Variants in TET2 observed in about 807,000 individuals in gnomAD.
The protein encoded by TET2 is tet methylcytosine dioxygenase 2.
In TET2, 299 loss-of-function variants were observed where a neutral mutation model predicts 142.9. That is an observed-to-expected ratio of 2.09 (90% CI 1.90 to 2.30). TET2 has a LOEUF of 2.30. TET2 is among the 30% of genes most tolerant of loss of function. TET2 has a pLI of 0.00. For missense variants in TET2, 2,418 were observed against 2,378.0 expected (o/e 1.02, Z -0.35); for synonymous variants, 819 against 849.0 (o/e 0.96, Z 0.61).
chr4:105,196,564 G>T (rs1349264562), intron 2 of TET2, among the ~76,000 whole-genome samples: 1 of 151,976 alleles, frequency 6.6e-6, no homozygotes, highest in East Asian at 1.9e-4. Context: ...TTACTATATT[G>T]TCCCTTCAGA....
intron 1 of TET2, among the ~76,000 whole-genome samples, chr4:105,178,467 G>GA (rs759066231): frequency 3.9e-5 from 6 of 152,192 alleles, no homozygotes; most frequent in Non-Finnish European, 8.8e-5. Context: ...GCAGTGAAAT[G>GA]AATCTATGTA....
rs975535836 is a variant in TET2, at chr4:105,277,912, T to C, written c.*1393T>C. On this transcript the variant is annotated 3_prime_UTR_variant, in exon 11 of 11. Transcript: ENST00000380013. ...GATAATTATGTACATTGTGACGTTG[T>C]CATTTCTTAGCTTAAGTGTCCTCTT... is the stretch of plus-strand genomic sequence containing the variant. 6 of 217,590 alleles carry C rather than the reference T, an allele frequency of 2.8e-5. No homozygotes were observed. Among genetic ancestry groups the C allele is most frequent in the Non-Finnish European group, 4.6e-5 (5 of 108,402 alleles). 13.5% of individuals were successfully genotyped at this position (217,590 alleles called of 1,614,324 possible).
intron 1 of TET2, among the ~76,000 whole-genome samples, chr4:105,156,060 A>C (rs1275245492): frequency 6.6e-6 from 1 of 152,210 alleles, no homozygotes; most frequent in Admixed American, 6.5e-5. Flanking sequence ...AAACTTTGTG[A>C]ACCACCTCAG....
intron 2 of TET2, among the ~76,000 whole-genome samples, chr4:105,219,636 T>C (rs1727697381): frequency 6.6e-6 from 1 of 152,114 alleles, no homozygotes; most frequent in Non-Finnish European, 1.5e-5. Flanking sequence ...GATAGCTTTG[T>C]GGGGTTTTGT....
chr4:105,250,100 A>T (rs988432699), intron 6 of TET2, among the ~76,000 whole-genome samples: 1 of 152,180 alleles, frequency 6.6e-6, no homozygotes, highest in East Asian at 1.9e-4. Context: ...GTCCAACTTC[A>T]TTCCTTTGCA....
At position 105,243,565 on chromosome 4, in the gene TET2, C is replaced by T. The variant is rs1214874623; in HGVS notation, c.3595-5C>T. On this transcript the variant is annotated splice_region_variant and splice_polypyrimidine_tract_variant and intron_variant, in intron 5 of 10. Transcript: ENST00000380013. ...GTGTTTGGGATGGAATGGTGATCCA[C>T]GCAGGTGGTTCGCAGAAGCAGCAGT... is the stretch of plus-strand genomic sequence containing the variant. The T allele has an allele frequency of 1.1e-5, 17 of 1,551,292 alleles. No individual in the cohort carries two copies. Among genetic ancestry groups the T allele is most frequent in the Admixed American group, 2.0e-5 (1 of 50,952 alleles).
At position 105,272,564 on chromosome 4, in the gene TET2, G is replaced by T; in HGVS notation, c.4183G>T (p.Val1395Leu). Residue 1395 changes from valine to leucine, a missense_variant and splice_region_variant, in exon 10 of 11, where the codon GTA becomes TTA. Physicochemically the swap from Val to Leu is conservative, Grantham distance 32. Coordinates refer to ENST00000380013, the MANE Select transcript of TET2 (RefSeq NM_001127208.3). Reference sequence around the variant, plus strand: ...CTGTAATGTCTTACTTCCCTACCAGGTATGCACTCTCACTAGAGAAGACAA... The same window carrying T: ...CTGTAATGTCTTACTTCCCTACCAGTTATGCACTCTCACTAGAGAAGACAA... ...LHNMQNGSTL[V>L]CTLTREDNRE... 1 of 1,519,922 alleles carries T rather than the reference G, an allele frequency of 6.6e-7. No individual in the cohort carries two copies. Among genetic ancestry groups the T allele is most frequent in the Non-Finnish European group, 8.8e-7 (1 of 1,132,776 alleles). The allele number at this position is 1,519,922 out of a possible 1,614,324, so 94.2% of individuals were successfully genotyped here. A position where few individuals can be genotyped will look rare whatever the true frequency, so the allele number is the denominator to read the frequency against.
At chr4:105,214,344 T>A (rs914744555) in intron 2 of TET2, among the ~76,000 whole-genome samples, 3 of 144,252 alleles carry the variant, frequency 2.1e-5, no homozygotes, top group Non-Finnish European at 4.5e-5. Flanking sequence ...CTTCCCTGTG[T>A]CACCCAGGCT....
Position 105,209,049 on chromosome 4 carries a change from G to GTATGTATATA in TET2, c.-47+18547_-47+18548insGTATATATAT, listed in dbSNP as rs1726992809. Among the ~76,000 whole-genome samples, 7 of 44,354 alleles carry GTATGTATATA rather than the reference G, an allele frequency of 1.6e-4. 1 individual carries two copies. The highest frequency in any genetic ancestry group is 1.5e-3 in the South Asian group (1 of 656). 29.1% of individuals were successfully genotyped at this position (44,354 alleles called of 152,430 possible). A position where few individuals can be genotyped will look rare whatever the true frequency, so the allele number is the denominator to read the frequency against. ...AATGAAATAGATGCCTCAAGGCATG[G>GTATGTATATA]TATATATATATATATATATATATAT... is the stretch of plus-strand genomic sequence containing the variant. On this transcript the variant is annotated intron_variant, in intron 2 of 10. Transcript: ENST00000380013.
chr4:105,259,493 C>A, intron 6 of TET2, 126 bp from the exon 7 acceptor site: 1 of 839,140 alleles, frequency 1.2e-6, no homozygotes, highest in Non-Finnish European at 1.7e-6. Context: ...GGTTATGCCA[C>A]AGCTTAATAC....
rs879536394 is a variant in TET2 at position 105,240,987 on chromosome 4, GTTT to G, written c.3410-344_3410-342del. On this transcript the variant is annotated intron_variant, in intron 3 of 10. Coordinates refer to ENST00000380013, the MANE Select transcript of TET2 (RefSeq NM_001127208.3). Reference sequence around the variant, plus strand: ...GGTAGGCTTCCAGTTAGCTTTAAATGTTTTTTTTTTCCAGCTCAAAAAATTGGA... The same window carrying G: ...GGTAGGCTTCCAGTTAGCTTTAAATGTTTTTTTCCAGCTCAAAAAATTGGA... 4 of 1,029,372 alleles carry G rather than the reference GTTT, an allele frequency of 3.9e-6. No individual in the cohort carries two copies. In the South Asian group the frequency reaches 1.4e-4, roughly 37 times the overall value. 63.8% of individuals were successfully genotyped at this position (1,029,372 alleles called of 1,614,324 possible).
intron 1 of TET2, among the ~76,000 whole-genome samples, chr4:105,151,850 G>A (rs1224813590): frequency 6.6e-6 from 1 of 152,184 alleles, no homozygotes; most frequent in African/African-American, 2.4e-5. Context: ...CAAGGCAGGT[G>A]GATGACCTGA....
chr4:105,152,141 G>T (rs1451085118), intron 1 of TET2, among the ~76,000 whole-genome samples: 1 of 152,196 alleles, frequency 6.6e-6, no homozygotes, highest in African/African-American at 2.4e-5. Flanking sequence ...GCTGGGTGTG[G>T]TGGCACATGC....
At chr4:105,247,195 C>G (rs1316609401) in intron 6 of TET2, among the ~76,000 whole-genome samples, 9 of 152,150 alleles carry the variant, frequency 5.9e-5, no homozygotes, top group Non-Finnish European at 1.2e-4. Context: ...TTTCCCACAT[C>G]CACTCCCACT....
chr4:105,208,208 GTT>G (rs1329457223), intron 2 of TET2, among the ~76,000 whole-genome samples: 3 of 151,994 alleles, frequency 2.0e-5, no homozygotes, highest in African/African-American at 7.2e-5. Context: ...AAATTCTCAT[GTT>G]TTTAAGGCTC....
intron 1 of TET2, among the ~76,000 whole-genome samples, chr4:105,189,439 G>A (rs1336170687): frequency 2.0e-5 from 3 of 152,028 alleles, no homozygotes. Context: ...GTTTCAAATC[G>A]GTCTTTCCAA....
At chr4:105,212,996 A>G (rs1578630864) in intron 2 of TET2, among the ~76,000 whole-genome samples, 1 of 151,044 alleles carries the variant, frequency 6.6e-6, no homozygotes, top group African/African-American at 2.4e-5. Flanking sequence ...TCTCAGAGGA[A>G]AAAAAAAAAT....
chr4:105,244,584 A>ATCTTTTTTTTTTTTTT lies in TET2; in HGVS notation c.3803+807_3803+808insCTTTTTTTTTTTTTTT, dbSNP rs1237638072. ...TGAATGTTCACGGTGCTACACAGAA[A>ATCTTTTTTTTTTTTTT]TGTTTTTTTTTTTTTTTTTTTTTTT... On this transcript the variant is annotated intron_variant, in intron 6 of 10. Coordinates refer to ENST00000380013, the MANE Select transcript of TET2 (RefSeq NM_001127208.3). Among the ~76,000 whole-genome samples, 211 of 116,742 alleles carry ATCTTTTTTTTTTTTTT rather than the reference A, an allele frequency of 1.8e-3. 22 individuals carry two copies. The highest frequency in any genetic ancestry group is 5.2e-3 in the Middle Eastern group (1 of 194). 76.6% of individuals were successfully genotyped at this position (116,742 alleles called of 152,430 possible).
rs775697586 is a variant in TET2 at position 105,235,008 on chromosome 4, T to G, written c.1066T>G (p.Ser356Ala). 6.8e-6 allele frequency: 11 copies of G among 1,614,118 alleles called. No homozygotes were observed. The highest frequency in any genetic ancestry group is 8.5e-6 in the Non-Finnish European group (10 of 1,180,008). ...LASGEEFCSGSSSNLQAPGGS... is the reference protein window; with the variant it reads ...LASGEEFCSGASSNLQAPGGS... Reference sequence around the variant, plus strand: ...GTCTGGTGAAGAATTCTGTTCAGGTTCCAGCAGCAATTTGCAAGCTCCTGG... The same window carrying G: ...GTCTGGTGAAGAATTCTGTTCAGGTGCCAGCAGCAATTTGCAAGCTCCTGG... The change falls in exon 3 of 11, where the codon TCC becomes GCC. Residue 356 changes from serine to alanine, a missense_variant. Coordinates refer to ENST00000380013, the MANE Select transcript of TET2 (RefSeq NM_001127208.3).
Sources: allele counts gnomAD v4.1 joint callset (sites outside exome capture counted in the v4.1 genomes callset), GRCh38; gene constraint gnomAD v4.1.1; transcripts MANE v1.5; gene names NCBI Gene and HGNC (gene_info 2026-07-23, HGNC 2026-07-21).